Variants in DAW1 observed in about 807,000 individuals in gnomAD.
DAW1 encodes dynein assembly factor with WD repeat domains 1.
Under a neutral mutation model 56.5 loss-of-function variants are expected in DAW1, and 47 were observed. The observed-to-expected ratio is 0.83, with a 90% CI of 0.66 to 1.06. DAW1 has a LOEUF of 1.06. Among genes scored for constraint, DAW1 ranks in the 50% least tolerant of loss-of-function variants. The pLI, the probability that DAW1 is intolerant of heterozygous loss-of-function variation, is 0.00. For missense variants in DAW1, 505 were observed against 499.3 expected (o/e 1.01, Z -0.11); for synonymous variants, 190 against 179.0 (o/e 1.06, Z -0.49).
At chr2:227,911,099 C>G (rs1467412177) in intron 10 of DAW1, among the ~76,000 whole-genome samples, 1 of 151,404 alleles carries the variant, frequency 6.6e-6, no homozygotes, top group Non-Finnish European at 1.5e-5. Context: ...GTATATGAAG[C>G]TATACTATGT....
At chr2:227,921,591 T>C in intron 12 of DAW1, 30 bp downstream of exon 12, 1 of 1,585,286 alleles carries the variant, frequency 6.3e-7, no homozygotes, top group East Asian at 2.3e-5. Context: ...CATAGACTCA[T>C]TTTTTCTTGA....
chr2:227,912,472 A>G (rs1691852730), intron 10 of DAW1: 3 of 1,303,384 alleles, frequency 2.3e-6, no homozygotes, highest in East Asian at 5.5e-5. Flanking sequence ...ACAATATGGT[A>G]TGCTACATGC....
chr2:227,882,655 A>G (rs993175184), intron 1 of DAW1, among the ~76,000 whole-genome samples: 2 of 152,310 alleles, frequency 1.3e-5, no homozygotes, highest in East Asian at 1.9e-4. Context: ...CCCAAATCTC[A>G]TGTTGAATTA....
intron 1 of DAW1, among the ~76,000 whole-genome samples, chr2:227,882,448 A>T (rs754984419): frequency 6.6e-6 from 1 of 152,230 alleles, no homozygotes; most frequent in Non-Finnish European, 1.5e-5. Flanking sequence ...ACATCAAAAA[A>T]ATCCCAACAG....
intron 10 of DAW1, among the ~76,000 whole-genome samples, chr2:227,908,331 A>C (rs1039343036): frequency 6.6e-6 from 1 of 152,160 alleles, no homozygotes; most frequent in East Asian, 1.9e-4. Context: ...CAAAACCATG[A>C]TCATCTTGCT....
At chr2:227,889,672 A>G in intron 2 of DAW1, 184 bp from the exon 3 acceptor site, 2 of 426,802 alleles carry the variant, frequency 4.7e-6, no homozygotes, top group Non-Finnish European at 4.2e-6. Context: ...TCCTGCCATC[A>G]TCTATTTACT....
At chr2:227,917,178 GTCTA>G (rs1553604102) in intron 10 of DAW1, among the ~76,000 whole-genome samples, 34 of 133,468 alleles carry the variant, frequency 2.5e-4, no homozygotes, top group African/African-American at 6.2e-4. Flanking sequence ...CTGTCTGTCT[GTCTA>G]TCTATGTATC....
rs750045675 is a variant in DAW1 at position 227,898,261 on chromosome 2, A to G, written c.520A>G (p.Arg174Gly). 5.8e-6 allele frequency: 9 copies of G among 1,559,294 alleles called. No individual in the cohort carries two copies. The Admixed American group carries it at 1.0e-4, about 18-fold the overall frequency. Residue 174 changes from arginine (R) to glycine (G), a missense_variant, in exon 6 of 13, where the codon AGG becomes GGG. Arg to Gly is a moderately radical substitution (Grantham distance 125). Transcript: ENST00000309931. ...VETGKCYHTFRGHTAEIVCLS... is the reference protein window; with the variant it reads ...VETGKCYHTFGGHTAEIVCLS... The stretch of plus-strand genomic sequence containing the variant: ...AACAGGAAAATGTTACCATACCTTC[A>G]GGGGTCATACAGCAGAAATAGTGAG...
rs76087214 is a variant in DAW1 at position 227,896,559 on chromosome 2, A to G, written c.441-1623A>G. 8.1e-3 allele frequency among the ~76,000 whole-genome samples: 1,227 copies of G among 151,746 alleles called. 14 individuals carry two copies. Among genetic ancestry groups the G allele is most frequent in the Non-Finnish European group, 0.012 (796 of 67,942 alleles). The stretch of plus-strand genomic sequence containing the variant: ...TTGGGGTCATTGGGGTTTCAGTAGC[A>G]TAAATTCAACACAATCACCAAAGAA... On this transcript the variant is annotated intron_variant, in intron 5 of 12. Transcript: ENST00000309931.
chr2:227,923,012 C>G (rs999530244), intron 12 of DAW1, among the ~76,000 whole-genome samples: 1 of 152,174 alleles, frequency 6.6e-6, no homozygotes, highest in Non-Finnish European at 1.5e-5. Flanking sequence ...CCAGTTTTCA[C>G]AGAAGACCCT....
At chr2:227,904,779 A>G in intron 7 of DAW1, 150 bp from the exon 8 acceptor site, 1 of 582,846 alleles carries the variant, frequency 1.7e-6, no homozygotes, top group Non-Finnish European at 2.9e-6. Flanking sequence ...GCCCACGTGC[A>G]GACACTCCCC....
chr2:227,901,979 T>C (rs1249217022), intron 6 of DAW1, among the ~76,000 whole-genome samples: 1 of 151,812 alleles, frequency 6.6e-6, no homozygotes. Flanking sequence ...GGAAGGAAAG[T>C]AAGATCAGGA....
intron 10 of DAW1, among the ~76,000 whole-genome samples, chr2:227,911,358 A>G (rs919087811): frequency 6.8e-6 from 1 of 147,592 alleles, no homozygotes; most frequent in Non-Finnish European, 1.5e-5. Context: ...GTGTATATAT[A>G]AAATTATACA....
chr2:227,898,360 AC>A, intron 6 of DAW1, 79 bp downstream of exon 6: 1 of 764,434 alleles, frequency 1.3e-6, no homozygotes, highest in Non-Finnish European at 1.7e-6. Flanking sequence ...TCACTCTGTC[AC>A]CCAGGCTGGA....
intron 10 of DAW1, among the ~76,000 whole-genome samples, chr2:227,913,881 A>ATCTATCTGTCTGTCTG (rs79833260): frequency 8.3e-6 from 1 of 120,390 alleles, no homozygotes; most frequent in African/African-American, 3.1e-5. Flanking sequence ...ATATCTATCT[A>ATCTATCTGTCTGTCTG]TCTGTCTGTC....
intron 12 of DAW1, among the ~76,000 whole-genome samples, chr2:227,923,543 C>G (rs1338366095): frequency 1.3e-5 from 2 of 152,148 alleles, no homozygotes; most frequent in Non-Finnish European, 2.9e-5. Context: ...TATGTCCTGC[C>G]TCTTCCTAAG....
At chr2:227,879,107 T>G (rs1306882669) in intron 1 of DAW1, among the ~76,000 whole-genome samples, 1 of 152,130 alleles carries the variant, frequency 6.6e-6, no homozygotes, top group Non-Finnish European at 1.5e-5. Flanking sequence ...TATAAAATAT[T>G]TATGTATAGT....
intron 5 of DAW1, 34 bp downstream of exon 5, chr2:227,893,951 T>C: frequency 6.6e-7 from 1 of 1,511,080 alleles, no homozygotes; most frequent in Non-Finnish European, 8.9e-7. Context: ...TGTTTATTAA[T>C]TCATTTATTC....
intron 10 of DAW1, 29 bp from the exon 11 acceptor site, chr2:227,918,751 T>A (rs772088697): frequency 6.2e-7 from 1 of 1,610,160 alleles, no homozygotes; most frequent in South Asian, 1.1e-5. Flanking sequence ...TAAGATGAAT[T>A]TATATATATC....
Sources: allele counts gnomAD v4.1 joint callset (sites outside exome capture counted in the v4.1 genomes callset), GRCh38; gene constraint gnomAD v4.1.1; transcripts MANE v1.5; gene names NCBI Gene and HGNC (gene_info 2026-07-23, HGNC 2026-07-21).